MBNL2: variants seen among roughly 807,000 people sequenced by gnomAD.
MBNL2 encodes the protein muscleblind-like protein 2.
A neutral mutation model predicts 41.9 loss-of-function variants in MBNL2; 17 were observed. The observed-to-expected ratio is 0.41, with a 90% CI of 0.28 to 0.61. MBNL2 has a LOEUF of 0.61. Ranked by LOEUF, MBNL2 falls within the 20% of genes least tolerant of loss-of-function variation. The pLI is 0.35. For missense variants in MBNL2, 336 were observed against 505.6 expected, an observed-to-expected ratio of 0.66 and a Z score of 3.22; for synonymous variants, 195 against 182.9, an observed-to-expected ratio of 1.07 and a Z score of -0.53.
chr13:97,176,422 G>C, the MBNL2 span, among the ~76,000 whole-genome samples: 5 of 152,186 alleles, frequency 3.3e-5, no homozygotes, highest in South Asian at 2.1e-4. Context: ...GAATATGCTT[G>C]GTCCACAGTA....
chr13:97,347,050 G>C lies in MBNL2; in HGVS notation c.787G>C (p.Ala263Pro), dbSNP rs748457394. The C allele has an allele frequency of 1.2e-6, 2 of 1,603,574 alleles. No homozygotes were observed. Among genetic ancestry groups the C allele is most frequent in the Non-Finnish European group, 8.5e-7 (1 of 1,175,830 alleles). The change falls in exon 5 of 9, where the codon GCC becomes CCC. Residue 263 changes from alanine (A) to proline (P), a missense_variant. By Grantham distance (27) the Ala-to-Pro change is conservative (BLOSUM62 -1). Coordinates refer to ENST00000679496, the MANE Select transcript of MBNL2 (RefSeq NM_001382683.1). The stretch of plus-strand genomic sequence containing the variant: ...TGCGGTGGCCGCCCAGGCAGCCGCG[G>C]CCGCGGCCACAGTCATGGTAAGTGC... ...QAAVAAQAAA[A>P]AATVMTQSTA...
chr13:97,230,440 T>G (rs979950182), intron 1 of MBNL2, among the ~76,000 whole-genome samples: 5 of 152,190 alleles, frequency 3.3e-5, no homozygotes, highest in Admixed American at 2.0e-4. Flanking sequence ...TCATAAACAT[T>G]TGACAATGTG....
intron 7 of MBNL2, chr13:97,362,823 T>G (rs542752251): frequency 6.6e-6 from 1 of 152,246 alleles, no homozygotes; most frequent in African/African-American, 2.4e-5. Context: ...GGACTTCAGA[T>G]GTGGCAGTAG....
chr13:97,165,531 G>A, the MBNL2 span, among the ~76,000 whole-genome samples: 1 of 152,156 alleles, frequency 6.6e-6, no homozygotes, highest in Non-Finnish European at 1.5e-5. Context: ...CAGTTGGGAG[G>A]TTTAGGGTTT....
intron 2 of MBNL2, among the ~76,000 whole-genome samples, chr13:97,287,918 G>GTTTTTTTTTTTTTTTTTTTTTTT (rs11423615): frequency 1.6e-5 from 2 of 124,630 alleles, no homozygotes; most frequent in African/African-American, 7.0e-5. Flanking sequence ...CTAATTTTCT[G>GTTTTTTTTTTTTTTTTTTTTTTT]TTTTTTTTTT....
chr13:97,221,426 C>G (rs1172246617), upstream of MBNL2: 5 of 152,060 alleles, frequency 3.3e-5, no homozygotes, highest in Non-Finnish European at 7.4e-5. Flanking sequence ...TCTTCTTCTG[C>G]TTTATCTCAG....
intron 5 of MBNL2, among the ~76,000 whole-genome samples, chr13:97,348,437 A>G (rs2062104008): frequency 6.6e-6 from 1 of 152,120 alleles, no homozygotes; most frequent in African/African-American, 2.4e-5. Context: ...TAGGTTGCAG[A>G]AGTTTCTAAT....
chr13:97,153,534 C>A, the MBNL2 span, among the ~76,000 whole-genome samples: 1 of 151,990 alleles, frequency 6.6e-6, no homozygotes, highest in Non-Finnish European at 1.5e-5. Context: ...CCTCGTAGAA[C>A]AATTTTCATT....
rs778441022 is a variant in MBNL2, at chr13:97,276,333, A to G, written c.98A>G (p.Glu33Gly). Residue 33 changes from glutamate (E) to glycine (G), a missense_variant, in exon 2 of 9, where the codon GAA becomes GGA. Coordinates refer to ENST00000679496, the MANE Select transcript of MBNL2 (RefSeq NM_001382683.1). Reference protein sequence around the residue: ...QRGTCSRSDEECKFAHPPKSC... With the variant: ...QRGTCSRSDEGCKFAHPPKSC... ...GGAACATGCTCACGCTCTGATGAAG[A>G]ATGCAAATTTGCTCATCCCCCCAAA... is the stretch of plus-strand genomic sequence containing the variant. 1 of 1,614,048 alleles carries G rather than the reference A, an allele frequency of 6.2e-7. No individual in the cohort carries two copies. The highest frequency in any genetic ancestry group is 1.1e-5 in the South Asian group (1 of 91,080).
chr13:97,313,516 T>C (rs946210316), intron 2 of MBNL2, among the ~76,000 whole-genome samples: 25 of 152,140 alleles, frequency 1.6e-4, no homozygotes, highest in African/African-American at 5.8e-4. Flanking sequence ...TGAGATTAAA[T>C]GGGGTTGGCA....
chr13:97,355,594 A>G (rs2062917375), intron 5 of MBNL2, among the ~76,000 whole-genome samples: 1 of 152,128 alleles, frequency 6.6e-6, no homozygotes, highest in African/African-American at 2.4e-5. Context: ...AAAGAATTCC[A>G]TCATAGAATT....
intron 3 of MBNL2, among the ~76,000 whole-genome samples, chr13:97,338,216 C>G (rs768462474): frequency 6.6e-6 from 1 of 152,126 alleles, no homozygotes; most frequent in Non-Finnish European, 1.5e-5. Flanking sequence ...TGAACACACA[C>G]AGCTCGTGTG....
chr13:97,215,483 T>C, the MBNL2 span, among the ~76,000 whole-genome samples: 1,262 of 152,316 alleles, frequency 8.3e-3, 15 homozygotes, highest in African/African-American at 0.029. Context: ...AAAGCTGGGT[T>C]TTTAGTAGTT....
At chr13:97,391,050 T>C (rs1290461355) in intron 8 of MBNL2, among the ~76,000 whole-genome samples, 2 of 152,186 alleles carry the variant, frequency 1.3e-5, no homozygotes, top group African/African-American at 4.8e-5. Flanking sequence ...GGTCTAAACA[T>C]GCATGCCTCT....
intron 2 of MBNL2, among the ~76,000 whole-genome samples, chr13:97,295,681 A>G (rs1024484281): frequency 2.0e-5 from 3 of 152,212 alleles, no homozygotes; most frequent in African/African-American, 7.2e-5. Flanking sequence ...TGTTTGATCC[A>G]TGCAGGAGAT....
chr13:97,358,596 G>A (rs1034429189), intron 7 of MBNL2, among the ~76,000 whole-genome samples: 16 of 151,906 alleles, frequency 1.1e-4, no homozygotes, highest in Admixed American at 5.9e-4. Context: ...ACACACACAC[G>A]CACACCATAC....
chr13:97,294,862 C>T (rs1245576640), intron 2 of MBNL2, among the ~76,000 whole-genome samples: 2 of 152,208 alleles, frequency 1.3e-5, no homozygotes, highest in Admixed American at 1.3e-4. Context: ...AGCACCTGCC[C>T]TACACCCTTT....
At chr13:97,154,005 T>C in the MBNL2 span, among the ~76,000 whole-genome samples, 2 of 152,210 alleles carry the variant, frequency 1.3e-5, no homozygotes, top group African/African-American at 4.8e-5. Flanking sequence ...AATTGTTTCA[T>C]GTAGTAATAT....
At chr13:97,205,238 A>ATATG in the MBNL2 span, among the ~76,000 whole-genome samples, 2 of 147,414 alleles carry the variant, frequency 1.4e-5, no homozygotes, top group African/African-American at 5.0e-5. Flanking sequence ...ATATATATAT[A>ATATG]AATTAGTACC....
Sources: allele counts gnomAD v4.1 joint callset (sites outside exome capture counted in the v4.1 genomes callset), GRCh38; gene constraint gnomAD v4.1.1; transcripts MANE v1.5; gene names NCBI Gene and HGNC (gene_info 2026-07-23, HGNC 2026-07-21).